DCBLD2: variants seen among roughly 807,000 people sequenced by gnomAD.
The protein encoded by DCBLD2 is discoidin, CUB and LCCL domain-containing protein 2.
A neutral mutation model predicts 86.8 loss-of-function variants in DCBLD2; 54 were observed. The observed-to-expected ratio is 0.62, with a 90% CI of 0.50 to 0.78. The LOEUF is 0.78. Among genes scored for constraint, DCBLD2 ranks in the 30% least tolerant of loss-of-function variants. The pLI is 0.00. For missense variants in DCBLD2, 908 were observed against 954.2 expected (o/e 0.95, Z 0.64); for synonymous variants, 354 against 341.3 (o/e 1.04, Z -0.41).
chr3:98,883,933 T>C (rs2119189), intron 1 of DCBLD2, among the ~76,000 whole-genome samples: 149,680 of 152,238 alleles, frequency 0.98, 73,640 homozygotes, highest in Middle Eastern at 1. Context: ...TGAATAAGAA[T>C]TTCATGTAGT....
intron 3 of DCBLD2, among the ~76,000 whole-genome samples, chr3:98,844,551 C>G (rs1425653678): frequency 6.6e-6 from 1 of 151,996 alleles, no homozygotes; most frequent in African/African-American, 2.4e-5. Context: ...TTAGTAAAGA[C>G]AGGTTTTCAT....
At chr3:98,800,820 A>G in intron 14 of DCBLD2, 104 bp from the exon 15 acceptor site, 1 of 1,523,110 alleles carries the variant, frequency 6.6e-7, no homozygotes, top group Non-Finnish European at 8.9e-7. Context: ...TTTCTATAAC[A>G]AATATCTCTA....
intron 3 of DCBLD2, among the ~76,000 whole-genome samples, chr3:98,826,754 T>C (rs1942229740): frequency 6.6e-6 from 1 of 152,228 alleles, no homozygotes; most frequent in Admixed American, 6.5e-5. Flanking sequence ...TTAGCATGTT[T>C]GGCTAAGTCC....
chr3:98,883,054 C>G (rs1335673102), intron 1 of DCBLD2, among the ~76,000 whole-genome samples: 1 of 152,172 alleles, frequency 6.6e-6, no homozygotes, highest in Non-Finnish European at 1.5e-5. Context: ...TAACAGCATT[C>G]CTATTTCTCC....
At chr3:98,896,438 T>C (rs1193977514) in intron 1 of DCBLD2, among the ~76,000 whole-genome samples, 1 of 152,256 alleles carries the variant, frequency 6.6e-6, no homozygotes, top group African/African-American at 2.4e-5. Context: ...TTATAAATAC[T>C]GAATGTCTTA....
chr3:98,841,365 A>C (rs1309480253), intron 3 of DCBLD2, among the ~76,000 whole-genome samples: 1 of 152,254 alleles, frequency 6.6e-6, no homozygotes, highest in Admixed American at 6.5e-5. Context: ...ATTTAAAAAA[A>C]ATAAAGTACA....
intron 2 of DCBLD2, among the ~76,000 whole-genome samples, chr3:98,876,303 C>T (rs1943367415): frequency 6.6e-6 from 1 of 150,432 alleles, no homozygotes; most frequent in African/African-American, 2.4e-5. Context: ...GAGATGATTG[C>T]TTGAGCCCAG....
chr3:98,841,350 T>C lies in DCBLD2; in HGVS notation c.571+8111A>G, dbSNP rs535453644. ...GCTATATTATCTGCCATAACTGATA[T>C]ATACATTTAAAAAAAATAAAGTACA... On this transcript the variant is annotated intron_variant, in intron 3 of 15. Coordinates refer to ENST00000326840, the MANE Select transcript of DCBLD2 (RefSeq NM_080927.4). Among the ~76,000 whole-genome samples the C allele has an allele frequency of 2.6e-5, 4 of 152,340 alleles. No homozygotes were observed. The South Asian group carries it at 8.3e-4, about 32-fold the overall frequency.
At position 98,849,490 on chromosome 3, in the gene DCBLD2, A is replaced by G; in HGVS notation, c.542T>C (p.Leu181Ser). 6.2e-7 allele frequency: 1 copy of G among 1,613,908 alleles called. No individual in the cohort carries two copies. Among genetic ancestry groups the G allele is most frequent in the Non-Finnish European group, 8.5e-7 (1 of 1,179,812 alleles). The change falls in exon 3 of 16, where the codon TTG becomes TCG. Residue 181 changes from leucine to serine, a missense_variant. Coordinates refer to ENST00000326840, the MANE Select transcript of DCBLD2 (RefSeq NM_080927.4). ...TTTATCTATAACAGAGTATGAGGCC[A>G]AAAATCCGCGTCCAGAAACATGGAT... is the stretch of plus-strand genomic sequence containing the variant. ...SGIHVSGRGF[L>S]ASYSVIDKQD...
chr3:98,857,133 T>C (rs1205455607), intron 2 of DCBLD2, among the ~76,000 whole-genome samples: 1 of 152,200 alleles, frequency 6.6e-6, no homozygotes, highest in South Asian at 2.1e-4. Context: ...GGAGTGAAGC[T>C]GCAGACCTTC....
intron 2 of DCBLD2, among the ~76,000 whole-genome samples, chr3:98,869,451 C>T (rs1329388375): frequency 6.6e-6 from 1 of 152,092 alleles, no homozygotes; most frequent in African/African-American, 2.4e-5. Flanking sequence ...CAGTTTGAGT[C>T]CCATTTATTT....
At chr3:98,827,244 G>T (rs1942240155) in intron 3 of DCBLD2, among the ~76,000 whole-genome samples, 1 of 152,188 alleles carries the variant, frequency 6.6e-6, no homozygotes, top group Non-Finnish European at 1.5e-5. Flanking sequence ...CAGTTCTCTA[G>T]TTATTCCTGT....
chr3:98,861,928 A>T (rs1374696556), intron 2 of DCBLD2, among the ~76,000 whole-genome samples: 2 of 152,226 alleles, frequency 1.3e-5, no homozygotes, highest in Non-Finnish European at 2.9e-5. Flanking sequence ...AAAATCAATG[A>T]ATCCAGGAGA....
chr3:98,801,352 C>G, intron 14 of DCBLD2: 1 of 443,950 alleles, frequency 2.3e-6, no homozygotes, highest in East Asian at 3.3e-5. Context: ...GGACAAACTA[C>G]ACAAGTTTTC....
At chr3:98,849,896 A>AT (rs11442391) in intron 2 of DCBLD2, among the ~76,000 whole-genome samples, 65,982 of 151,868 alleles carry the variant, frequency 0.43, 14,496 homozygotes, top group African/African-American at 0.46. Flanking sequence ...ACTAAAAAAA[A>AT]AATTAACAAA....
intron 13 of DCBLD2, 62 bp from the exon 14 acceptor site, chr3:98,801,711 C>G (rs1941723312): frequency 7.6e-7 from 1 of 1,311,530 alleles, no homozygotes; most frequent in Non-Finnish European, 1.1e-6. Context: ...CCTGCTCCCC[C>G]TACCCCATGA....
chr3:98,886,810 T>C (rs201021727), intron 1 of DCBLD2, among the ~76,000 whole-genome samples: 8,187 of 60,298 alleles, frequency 0.14, 268 homozygotes, highest in Non-Finnish European at 0.15. Context: ...ACCCCCCCCC[T>C]TTTTTTTTTT....
chr3:98,887,088 G>T (rs1487468677), intron 1 of DCBLD2, among the ~76,000 whole-genome samples: 1 of 151,656 alleles, frequency 6.6e-6, no homozygotes, highest in Non-Finnish European at 1.5e-5. Context: ...TGAACATTGT[G>T]ATTTCCAAAA....
chr3:98,897,072 A>G (rs1014411252), intron 1 of DCBLD2, among the ~76,000 whole-genome samples: 6 of 152,168 alleles, frequency 3.9e-5, no homozygotes, highest in African/African-American at 1.4e-4. Context: ...TTGGAAATTA[A>G]TTTGTCATTT....
Sources: allele counts gnomAD v4.1 joint callset (sites outside exome capture counted in the v4.1 genomes callset), GRCh38; gene constraint gnomAD v4.1.1; transcripts MANE v1.5; gene names NCBI Gene and HGNC (gene_info 2026-07-23, HGNC 2026-07-21).